Variants in LCLAT1 observed in about 807,000 individuals in gnomAD.
LCLAT1 encodes the protein 1-AGP acyltransferase 8.
Under a neutral mutation model 30.7 loss-of-function variants are expected in LCLAT1, and 11 were observed. The observed-to-expected ratio is 0.36, with a 90% CI of 0.23 to 0.59. The LOEUF (loss-of-function observed/expected upper bound fraction) is 0.59. LCLAT1 is among the 20% of genes least tolerant of loss of function. LCLAT1 has a pLI of 0.77. For missense variants in LCLAT1, 402 were observed against 458.6 expected, an observed-to-expected ratio of 0.88 and a Z score of 1.13; for synonymous variants, 155 against 151.3, an observed-to-expected ratio of 1.02 and a Z score of -0.18.
chr2:30,573,162 G>A (rs1301719011), intron 5 of LCLAT1, among the ~76,000 whole-genome samples: 1 of 152,148 alleles, frequency 6.6e-6, no homozygotes, highest in Admixed American at 6.5e-5. Context: ...GTCATTGTTG[G>A]CCCGCCCCCC....
chr2:30,601,841 T>C (rs1667198849), intron 5 of LCLAT1, among the ~76,000 whole-genome samples: 1 of 151,120 alleles, frequency 6.6e-6, no homozygotes, highest in East Asian at 1.9e-4. Context: ...GATATATTTA[T>C]CTACAACAAA....
chr2:30,491,434 C>T lies in LCLAT1; in HGVS notation c.-4-34153C>T, dbSNP rs577781367. ...GGTTGTTAACTTGCTTTTAAGGCTG[C>T]ATTGTTAGTCGAGTGAGTAATGGAG... On this transcript the variant is annotated intron_variant, in intron 1 of 5. Coordinates refer to ENST00000379509, the MANE Select transcript of LCLAT1 (RefSeq NM_001002257.3). Among the ~76,000 whole-genome samples, 17 of 152,220 alleles carry T rather than the reference C, an allele frequency of 1.1e-4. No individual in the cohort carries two copies. The South Asian group carries it at 3.3e-3, about 30-fold the overall frequency.
intron 5 of LCLAT1, among the ~76,000 whole-genome samples, chr2:30,619,315 C>T (rs1287400358): frequency 6.6e-6 from 1 of 152,114 alleles, no homozygotes; most frequent in Non-Finnish European, 1.5e-5. Flanking sequence ...AACTTACTTC[C>T]CCACATGGCT....
chr2:30,568,261 G>T, intron 5 of LCLAT1, 85 bp downstream of exon 5: 1 of 600,738 alleles, frequency 1.7e-6, no homozygotes, highest in Non-Finnish European at 2.9e-6. Context: ...AGTTTGTAAA[G>T]GATTTTTTAC....
At chr2:30,614,268 G>C (rs1311171236) in intron 5 of LCLAT1, among the ~76,000 whole-genome samples, 1 of 120,408 alleles carries the variant, frequency 8.3e-6, no homozygotes, top group Admixed American at 9.3e-5. Context: ...ATTTAACTCT[G>C]AGTTGACACA....
chr2:30,517,657 A>G (rs539273653), intron 1 of LCLAT1, among the ~76,000 whole-genome samples: 68 of 152,324 alleles, frequency 4.5e-4, no homozygotes, highest in Non-Finnish European at 6.8e-4. Flanking sequence ...CAACGAGCAA[A>G]TGTCCTTCTG....
At chr2:30,544,527 T>C (rs1399598456) in intron 3 of LCLAT1, among the ~76,000 whole-genome samples, 1 of 152,206 alleles carries the variant, frequency 6.6e-6, no homozygotes, top group East Asian at 1.9e-4. Flanking sequence ...AGTTATGCTG[T>C]TAGTAGCTTC....
intron 5 of LCLAT1, among the ~76,000 whole-genome samples, chr2:30,632,688 T>C (rs1250390731): frequency 6.6e-6 from 1 of 152,204 alleles, no homozygotes; most frequent in Non-Finnish European, 1.5e-5. Context: ...CCAACACTTC[T>C]CTAAGCACTG....
chr2:30,526,706 C>G (rs891634809), intron 2 of LCLAT1, among the ~76,000 whole-genome samples: 2 of 152,114 alleles, frequency 1.3e-5, no homozygotes, highest in African/African-American at 2.4e-5. Flanking sequence ...TACCACGTAC[C>G]TAGCATTTTG....
At position 30,468,971 on chromosome 2, in the gene LCLAT1, T is replaced by C. The variant is rs148797652; in HGVS notation, c.-5+21588T>C. Among the ~76,000 whole-genome samples, 21 of 152,356 alleles carry C rather than the reference T, an allele frequency of 1.4e-4. No homozygotes were observed. In the East Asian group the frequency reaches 3.5e-3, roughly 25 times the overall value. On this transcript the variant is annotated intron_variant, in intron 1 of 5. Transcript: ENST00000379509. Reference sequence around the variant, plus strand: ...CTAGTGGGTATATAGTGATATCTCATTGTGGTTTTGATTTGCATTTCCCCA... The same window carrying C: ...CTAGTGGGTATATAGTGATATCTCACTGTGGTTTTGATTTGCATTTCCCCA...
At chr2:30,584,729 C>T (rs1164139806) in intron 5 of LCLAT1, among the ~76,000 whole-genome samples, 4 of 152,082 alleles carry the variant, frequency 2.6e-5, no homozygotes, top group Admixed American at 2.6e-4. Context: ...TTCTTCAGGG[C>T]CATCAGGCCT....
intron 5 of LCLAT1, among the ~76,000 whole-genome samples, chr2:30,613,606 A>G (rs1287816598): frequency 7.3e-6 from 1 of 136,754 alleles, no homozygotes; most frequent in Non-Finnish European, 1.6e-5. Context: ...CGTTCAGCAT[A>G]TGGAGGATCC....
chr2:30,565,235 G>A (rs542438245), intron 4 of LCLAT1, among the ~76,000 whole-genome samples: 1 of 152,222 alleles, frequency 6.6e-6, no homozygotes, highest in African/African-American at 2.4e-5. Flanking sequence ...AGGGTAGGGT[G>A]GCAGAGTGGA....
chr2:30,478,970 CT>C (rs1558464314), intron 1 of LCLAT1, among the ~76,000 whole-genome samples: 1 of 151,992 alleles, frequency 6.6e-6, no homozygotes, highest in Non-Finnish European at 1.5e-5. Context: ...ATTTTTTTCC[CT>C]TTTTAGGGCC....
chr2:30,551,949 C>T lies in LCLAT1; in HGVS notation c.365-10197C>T, dbSNP rs74570376. On this transcript the variant is annotated intron_variant, in intron 3 of 5. Coordinates refer to ENST00000379509, the MANE Select transcript of LCLAT1 (RefSeq NM_001002257.3). ...AGAATAATCTAGGCTAATCTCACTA[C>T]CTTAAATTCGTCTGATTAGCAATCT... Among the ~76,000 whole-genome samples the T allele has an allele frequency of 6.9e-3, 1,057 of 152,286 alleles. 12 individuals are homozygous for T. Among genetic ancestry groups the T allele is most frequent in the African/African-American group, 0.024 (1,017 of 41,544 alleles).
intron 1 of LCLAT1, among the ~76,000 whole-genome samples, chr2:30,488,356 T>A (rs1473370905): frequency 6.6e-6 from 1 of 152,254 alleles, no homozygotes; most frequent in African/African-American, 2.4e-5. Flanking sequence ...AACAGTAGAT[T>A]ATTATCCATT....
At chr2:30,475,252 G>A (rs1277200776) in intron 1 of LCLAT1, among the ~76,000 whole-genome samples, 1 of 152,062 alleles carries the variant, frequency 6.6e-6, no homozygotes, top group Admixed American at 6.6e-5. Flanking sequence ...TTCTGTCTCA[G>A]ACTCCCACAG....
intron 1 of LCLAT1, among the ~76,000 whole-genome samples, chr2:30,453,728 T>G (rs1454553495): frequency 3.3e-5 from 5 of 151,684 alleles, no homozygotes; most frequent in Non-Finnish European, 5.9e-5. Flanking sequence ...CTGTAGGTTT[T>G]CTTTGATGAA....
chr2:30,483,553 AG>A (rs1267212011), intron 1 of LCLAT1, among the ~76,000 whole-genome samples: 4 of 152,128 alleles, frequency 2.6e-5, no homozygotes, highest in Non-Finnish European at 5.9e-5. Flanking sequence ...TGCAAGCAAA[AG>A]GGCCTGGCAA....
Sources: gnomAD v4.1 joint callset for allele counts (sites outside exome capture counted in the v4.1 genomes callset) on GRCh38, gnomAD v4.1.1 for gene constraint, MANE v1.5 for transcripts, NCBI Gene and HGNC (gene_info 2026-07-23, HGNC 2026-07-21) for gene names.